NAPB: variants seen among roughly 807,000 people sequenced by gnomAD.
NAPB encodes the protein beta-soluble NSF attachment protein.
A neutral mutation model predicts 44.7 loss-of-function variants in NAPB; 26 were observed. The observed-to-expected ratio is 0.58, with a 90% CI of 0.43 to 0.81. The LOEUF (loss-of-function observed/expected upper bound fraction) is 0.81, where lower values mean the gene tolerates loss of function less well. Among genes scored for constraint, NAPB ranks in the 30% least tolerant of loss-of-function variants. The pLI is 0.00. For missense variants in NAPB, 315 were observed against 356.4 expected, an observed-to-expected ratio of 0.88 and a Z score of 0.94; for synonymous variants, 120 against 116.8, an observed-to-expected ratio of 1.03 and a Z score of -0.18.
Position 23,421,421 on chromosome 20 carries a change from C to A in NAPB, c.-19G>T, listed in dbSNP as rs527994720. The A allele has an allele frequency of 7.9e-5, 121 of 1,540,908 alleles. 2 individuals are homozygous for A. The South Asian group carries it at 1.3e-3, about 17-fold the overall frequency. On this transcript the variant is annotated 5_prime_UTR_variant, in exon 1 of 11. Transcript: ENST00000377026. ...TGTCCATGTCGCCCGCCGCGGCCGCCACAGCCCCCTCAGCCGGCTCGCTGT... is the reference window on the plus strand; with the variant it reads ...TGTCCATGTCGCCCGCCGCGGCCGCAACAGCCCCCTCAGCCGGCTCGCTGT...
chr20:23,376,155 A>G lies in NAPB; in HGVS notation c.*1221T>C, dbSNP rs1982498302. 1 of 98,250 alleles carries G rather than the reference A, an allele frequency of 1.0e-5. No individual in the cohort carries two copies. 6.1% of individuals were successfully genotyped at this position (98,250 alleles called of 1,614,324 possible). ...CATTTCAAATATAAATCATTTAACT[A>G]TAAATATTCAGAGGACATTCAGGAG... On this transcript the variant is annotated 3_prime_UTR_variant, in exon 11 of 11. Coordinates refer to ENST00000377026, the MANE Select transcript of NAPB (RefSeq NM_022080.3).
At chr20:23,388,249 A>G (rs1432518051) in intron 7 of NAPB, among the ~76,000 whole-genome samples, 1 of 152,032 alleles carries the variant, frequency 6.6e-6, no homozygotes, top group African/African-American at 2.4e-5. Context: ...CTAAACACAC[A>G]TACACACTCA....
Position 23,397,056 on chromosome 20 carries a change from T to C in NAPB, c.295+16A>G. On this transcript the variant is annotated intron_variant, in intron 3 of 10. Transcript: ENST00000377026. Reference sequence around the variant, plus strand: ...TTACACACAGAGATAGCATGCTACATGCCTGGCTGTCTTACCTTGGGGATC... The same window carrying C: ...TTACACACAGAGATAGCATGCTACACGCCTGGCTGTCTTACCTTGGGGATC... 6.2e-7 allele frequency: 1 copy of C among 1,611,260 alleles called. No homozygotes were observed.
At chr20:23,386,960 T>C (rs1156380900) in intron 7 of NAPB, among the ~76,000 whole-genome samples, 2 of 152,206 alleles carry the variant, frequency 1.3e-5, no homozygotes, top group Non-Finnish European at 2.9e-5. Context: ...ATTCCAGGAA[T>C]GTAAGGTTGG....
At chr20:23,390,130 ACT>A (rs1983841472) in intron 6 of NAPB, 77 bp downstream of exon 6, 5 of 1,514,792 alleles carry the variant, frequency 3.3e-6, no homozygotes, top group Non-Finnish European at 3.7e-6. Context: ...AGTCAAATAC[ACT>A]CACAAAGTAT....
intron 1 of NAPB, among the ~76,000 whole-genome samples, chr20:23,414,272 T>C (rs1250980164): frequency 6.6e-6 from 1 of 152,068 alleles, no homozygotes; most frequent in African/African-American, 2.4e-5. Context: ...CAGTGAGTAA[T>C]GAGCACATCA....
chr20:23,396,675 C>T (rs1984390090), intron 3 of NAPB: 1 of 152,540 alleles, frequency 6.6e-6, no homozygotes, highest in African/African-American at 2.4e-5. Flanking sequence ...TTAACTGGAT[C>T]TGAAAACTCC....
intron 1 of NAPB, among the ~76,000 whole-genome samples, chr20:23,412,267 AG>A (rs1182601741): frequency 3.3e-5 from 5 of 151,930 alleles, no homozygotes; most frequent in Non-Finnish European, 7.3e-5. Context: ...ATACTTCATC[AG>A]TCAAAGTCAG....
chr20:23,406,666 T>A (rs1395643968), intron 1 of NAPB, among the ~76,000 whole-genome samples: 2 of 152,150 alleles, frequency 1.3e-5, no homozygotes, highest in African/African-American at 2.4e-5. Flanking sequence ...AGCTAATAAG[T>A]TTCCTAAATG....
At position 23,420,238 on chromosome 20, in the gene NAPB, G is replaced by A. The variant is rs180678041; in HGVS notation, c.98+1067C>T. 6.6e-3 allele frequency among the ~76,000 whole-genome samples: 1,010 copies of A among 152,274 alleles called. 13 individuals are homozygous for A. The highest frequency in any genetic ancestry group is 0.023 in the African/African-American group (957 of 41,556). On this transcript the variant is annotated intron_variant, in intron 1 of 10. Coordinates refer to ENST00000377026, the MANE Select transcript of NAPB (RefSeq NM_022080.3). Reference sequence around the variant, plus strand: ...GGTTGGAATTTAAAATCCTCCTTAGGAGAGCACGGAAGAATTACAGGAAAT... The same window carrying A: ...GGTTGGAATTTAAAATCCTCCTTAGAAGAGCACGGAAGAATTACAGGAAAT...
intron 10 of NAPB, among the ~76,000 whole-genome samples, chr20:23,378,435 T>C (rs1328020589): frequency 6.7e-6 from 1 of 149,330 alleles, no homozygotes; most frequent in African/African-American, 2.4e-5. Flanking sequence ...TATATATATA[T>C]TTATTATTTA....
At chr20:23,390,485 C>G (rs1983864109) in intron 5 of NAPB, among the ~76,000 whole-genome samples, 1 of 152,222 alleles carries the variant, frequency 6.6e-6, no homozygotes. Context: ...TGGCATATGC[C>G]CAGCTACACC....
At chr20:23,413,130 C>A (rs981634964) in intron 1 of NAPB, among the ~76,000 whole-genome samples, 2 of 150,420 alleles carry the variant, frequency 1.3e-5, no homozygotes, top group East Asian at 2.0e-4. Context: ...GATTCCGTGT[C>A]GAAAAAAAAA....
chr20:23,380,010 A>G (rs1341737931), intron 8 of NAPB, 75 bp from the exon 9 acceptor site: 15 of 1,199,820 alleles, frequency 1.3e-5, no homozygotes, highest in Admixed American at 1.7e-5. Flanking sequence ...TCAGCTTCAA[A>G]TAAGATCTAC....
chr20:23,392,523 G>C (rs369301382), intron 5 of NAPB, among the ~76,000 whole-genome samples: 2 of 151,892 alleles, frequency 1.3e-5, no homozygotes, highest in East Asian at 1.9e-4. Context: ...AAAATTAGCC[G>C]GGCATGGTGG....
intron 7 of NAPB, among the ~76,000 whole-genome samples, chr20:23,385,274 T>G (rs559029001): frequency 6.6e-6 from 1 of 152,244 alleles, no homozygotes; most frequent in East Asian, 1.9e-4. Context: ...TAAAGTAGAC[T>G]TGAGCCAAGA....
intron 1 of NAPB, among the ~76,000 whole-genome samples, chr20:23,410,068 GAC>G (rs1176823149): frequency 6.6e-6 from 1 of 152,208 alleles, no homozygotes. Context: ...GTTTCCAGAA[GAC>G]ACTGCTTCTG....
chr20:23,377,179 C>G lies in NAPB; in HGVS notation c.*197G>C, dbSNP rs1451328908. On this transcript the variant is annotated 3_prime_UTR_variant, in exon 11 of 11. Transcript: ENST00000377026. ...TTCTGATAAGCATGAAACAACCCATCATTACCACAAGATGAACAGGAGCCT... is the reference window on the plus strand; with the variant it reads ...TTCTGATAAGCATGAAACAACCCATGATTACCACAAGATGAACAGGAGCCT... The G allele has an allele frequency of 1.1e-5, 4 of 364,216 alleles. No individual in the cohort carries two copies. Among genetic ancestry groups the G allele is most frequent in the Non-Finnish European group, 2.0e-5 (4 of 202,068 alleles). 22.6% of individuals were successfully genotyped at this position (364,216 alleles called of 1,614,324 possible). A position where few individuals can be genotyped will look rare whatever the true frequency, so the allele number is the denominator to read the frequency against.
At chr20:23,411,535 G>A (rs1389234113) in intron 1 of NAPB, among the ~76,000 whole-genome samples, 1 of 152,104 alleles carries the variant, frequency 6.6e-6, no homozygotes, top group Non-Finnish European at 1.5e-5. Context: ...ATGACTGGTG[G>A]TGTCACTGCA....
Sources: gnomAD v4.1 joint callset for allele counts (sites outside exome capture counted in the v4.1 genomes callset) on GRCh38, gnomAD v4.1.1 for gene constraint, MANE v1.5 for transcripts, NCBI Gene and HGNC (gene_info 2026-07-23, HGNC 2026-07-21) for gene names.